HERC1: variants seen among roughly 807,000 people sequenced by gnomAD.
HERC1 encodes probable E3 ubiquitin-protein ligase HERC1.
A neutral mutation model predicts 554.3 loss-of-function variants in HERC1; 160 were observed. The ratio of observed to expected loss-of-function variants is 0.29; its 90% CI spans 0.25 to 0.33. The LOEUF (loss-of-function observed/expected upper bound fraction) is 0.33, where lower values mean the gene tolerates loss of function less well. Among genes scored for constraint, HERC1 ranks in the 10% least tolerant of loss-of-function variants. The pLI, the probability that HERC1 is intolerant of heterozygous loss-of-function variation, is 1.00. For synonymous variants in HERC1, 2,175 were observed against 2,131.7 expected (o/e 1.02, Z -0.56); for missense variants, 4,919 against 5,918.5 (o/e 0.83, Z 5.54).
chr15:63,817,843 T>C (rs1410951483), intron 1 of HERC1, among the ~76,000 whole-genome samples: 4 of 152,164 alleles, frequency 2.6e-5, no homozygotes, highest in African/African-American at 9.7e-5. Context: ...GAGCTCTTTA[T>C]ACTATTCCCT....
rs2076071176 is a variant in HERC1 at position 63,774,799 on chromosome 15, C to T, written c.825G>A (p.Ser275=). The T allele has an allele frequency of 7.4e-6, 12 of 1,613,900 alleles. No homozygotes were observed. Among genetic ancestry groups the T allele is most frequent in the African/African-American group, 5.3e-5 (4 of 74,996 alleles). ...LEWIEMALGA[S]AVVHTMEKGK... The stretch of plus-strand genomic sequence containing the variant: ...CTTTCTCCATGGTGTGTACAACTGC[C>T]GAAGCCCCCAAAGCCATTTCTATCC... Residue 275 remains serine, a synonymous_variant, in exon 2 of 78, where the codon TCG becomes TCA. Transcript: ENST00000443617.
chr15:63,669,449 G>A (rs2070792875), intron 40 of HERC1, 89 bp downstream of exon 40: 1 of 1,253,794 alleles, frequency 8.0e-7, no homozygotes, highest in Admixed American at 1.8e-5. Context: ...TTTACCTTCT[G>A]TGAAGACAAA....
In HERC1 at chr15:63,680,549, C is replaced by T. The variant is rs1179703452; in HGVS notation, c.6453G>A (p.Gly2151=). ...LDMEARTISF[G]KNGEEPKLAF... is the part of the protein sequence containing the mutation. ...TGGGTGTCGGTACCTCTCCATTTTTCCCAAAAGAAATGGTCCTGGCTTCCA... is the reference window on the plus strand; with the variant it reads ...TGGGTGTCGGTACCTCTCCATTTTTTCCAAAAGAAATGGTCCTGGCTTCCA... The change falls in exon 35 of 78, where the codon GGG becomes GGA. Residue 2151 remains glycine, a synonymous_variant. Coordinates refer to ENST00000443617, the MANE Select transcript of HERC1 (RefSeq NM_003922.4). The surrounding 1 kb of genome is among the most constrained non-coding windows in gnomAD (Gnocchi z 5.8). 1.9e-6 allele frequency: 3 copies of T among 1,612,238 alleles called. No individual in the cohort carries two copies. The African/African-American group carries it at 4.0e-5, about 22-fold the overall frequency.
chr15:63,640,427 C>A lies in HERC1; in HGVS notation c.11626G>T (p.Asp3876Tyr). 1 of 1,613,238 alleles carries A rather than the reference C, an allele frequency of 6.2e-7. No homozygotes were observed. Among genetic ancestry groups the A allele is most frequent in the South Asian group, 1.1e-5 (1 of 91,030 alleles). The change falls in exon 61 of 78, where the codon GAC (aspartate) becomes TAC (tyrosine). Residue 3876 changes from aspartate (D) to tyrosine (Y), a missense_variant. By Grantham distance (160) the Asp-to-Tyr change is radical. Around this residue, in one of 11 missense-constraint regions of HERC1, gnomAD observed 1,963 missense variants for 2,228.6 expected, o/e 0.88. Transcript: ENST00000443617. The part of the protein sequence containing the change: ...AYEKPHVVCG[D>Y]QLVHSPYMQC... ...ATATAGGGGCTATGAACAAGTTGGT[C>A]ACCACAAACCACATGAGGCTAAAAC... is the stretch of plus-strand genomic sequence containing the variant.
chr15:63,740,257 C>T (rs2074741770), intron 12 of HERC1, among the ~76,000 whole-genome samples: 2 of 152,202 alleles, frequency 1.3e-5, no homozygotes, highest in Admixed American at 1.3e-4. Flanking sequence ...GTATGTATCA[C>T]TACTTCACTC....
intron 1 of HERC1, among the ~76,000 whole-genome samples, chr15:63,811,809 C>CAAAA (rs374847616): frequency 0.014 from 1,054 of 77,118 alleles, 13 homozygotes; most frequent in East Asian, 0.046. Flanking sequence ...ACTCCGTCTC[C>CAAAA]AAAAAAAAAA....
chr15:63,776,866 T>A (rs2076134000), intron 1 of HERC1, among the ~76,000 whole-genome samples: 1 of 152,208 alleles, frequency 6.6e-6, no homozygotes, highest in South Asian at 2.1e-4. Context: ...TTTCACTGCA[T>A]GTAAATTTTG....
chr15:63,694,082 TA>T lies in HERC1; in HGVS notation c.5555del (p.Leu1852TyrfsTer53). ...TATGTAGTACACCAGTTTGGGACAA[TA>T]AATTCTTCAACTGACTACAGAGTAG... ...LDLLCSQLKN[L>X]LSQTGVLHMA... On this transcript the variant is annotated frameshift_variant, in exon 30 of 78. Coordinates refer to ENST00000443617, the MANE Select transcript of HERC1 (RefSeq NM_003922.4). LOFTEE classifies it high-confidence loss of function. This position sits in a 1 kb window ranked among gnomAD's most constrained non-coding sequence, Gnocchi z 4.3. 6.2e-7 allele frequency: 1 copy of T among 1,610,386 alleles called. No homozygotes were observed. Among genetic ancestry groups the T allele is most frequent in the Non-Finnish European group, 8.5e-7 (1 of 1,178,250 alleles).
intron 47 of HERC1, 63 bp downstream of exon 47, chr15:63,659,673 C>A: frequency 9.1e-7 from 1 of 1,102,512 alleles, no homozygotes; most frequent in Non-Finnish European, 1.4e-6. Context: ...TATTATTTAC[C>A]TATCTAAGAA....
intron 12 of HERC1, among the ~76,000 whole-genome samples, chr15:63,736,213 G>A (rs538174470): frequency 1.7e-4 from 26 of 152,254 alleles, no homozygotes; most frequent in South Asian, 1.7e-3. Flanking sequence ...ATTCCTAGAG[G>A]CTCATATACT....
Position 63,663,091 on chromosome 15 carries a change from T to C in HERC1, c.8794A>G (p.Ile2932Val). 1 of 1,614,006 alleles carries C rather than the reference T, an allele frequency of 6.2e-7. No homozygotes were observed. The highest frequency in any genetic ancestry group is 8.5e-7 in the Non-Finnish European group (1 of 1,179,880). The change falls in exon 44 of 78, where the codon ATT (isoleucine) becomes GTT (valine). Residue 2932 changes from isoleucine to valine, a missense_variant. Ile to Val is a conservative substitution (Grantham distance 29). Coordinates refer to ENST00000443617, the MANE Select transcript of HERC1 (RefSeq NM_003922.4). ...TCCATCGCCTCATCATCAAGATCAATTTCCAATTCCTCATCTAAATTAAAG... is the reference window on the plus strand; with the variant it reads ...TCCATCGCCTCATCATCAAGATCAACTTCCAATTCCTCATCTAAATTAAAG... ...YDFNLDEELEIDLDDEAMEAM... is the reference protein window; with the variant it reads ...YDFNLDEELEVDLDDEAMEAM...
chr15:63,672,505 C>A lies in HERC1; in HGVS notation c.8036G>T (p.Ser2679Ile). 1 of 1,592,262 alleles carries A rather than the reference C, an allele frequency of 6.3e-7. No individual in the cohort carries two copies. The highest frequency in any genetic ancestry group is 2.3e-5 in the East Asian group (1 of 44,106). Residue 2679 changes from serine to isoleucine, a missense_variant, in exon 39 of 78, where the codon AGT becomes ATT. Around this residue, in one of 11 missense-constraint regions of HERC1, gnomAD observed 1,963 missense variants for 2,228.6 expected, o/e 0.88. Coordinates refer to ENST00000443617, the MANE Select transcript of HERC1 (RefSeq NM_003922.4). ...AGGTCAACTTCTCTACCTGAGAAGA[C>A]TAAGAGGCATCACTCCCGGGGACTC... The part of the protein sequence containing the change: ...ASESPGVMPL[S>I]LLRQMFSSYP...
chr15:63,787,954 C>A, intron 1 of HERC1, among the ~76,000 whole-genome samples: 1 of 126,822 alleles, frequency 7.9e-6, no homozygotes, highest in Admixed American at 8.4e-5. Context: ...GGGTGAGACC[C>A]TGTCTCAAAA....
chr15:63,632,793 C>T lies in HERC1; in HGVS notation c.12712G>A (p.Gly4238Arg). Residue 4238 changes from glycine (G) to arginine (R), a missense_variant, in exon 68 of 78, where the codon GGA becomes AGA. By Grantham distance (125) the Gly-to-Arg change is moderately radical. Around this residue, in one of 11 missense-constraint regions of HERC1, gnomAD observed 410 missense variants for 467.0 expected, o/e 0.88. Transcript: ENST00000443617. ...CAAGCAACCTTTTTTATTCCAATTC[C>T]ACAAAGGACGTCAATTTTCTACAAA... is the stretch of plus-strand genomic sequence containing the variant. ...SSPQKIDVLC[G>R]IGIKKVACGT... 1 of 1,564,246 alleles carries T rather than the reference C, an allele frequency of 6.4e-7. No homozygotes were observed. Among genetic ancestry groups the T allele is most frequent in the Non-Finnish European group, 8.7e-7 (1 of 1,152,556 alleles).
At chr15:63,617,279 C>A (rs773902488) in intron 74 of HERC1, among the ~76,000 whole-genome samples, 1 of 152,106 alleles carries the variant, frequency 6.6e-6, no homozygotes, top group Non-Finnish European at 1.5e-5. Context: ...TTTGTCCTTG[C>A]AATAGTTTGC....
chr15:63,643,282 G>C (rs2069162209), intron 58 of HERC1, 122 bp downstream of exon 58: 2 of 928,038 alleles, frequency 2.2e-6, no homozygotes, highest in Non-Finnish European at 3.2e-6. Context: ...TCTGAAAGAA[G>C]TTTCCTCAGT....
chr15:63,818,801 T>C (rs2077583865), intron 1 of HERC1, among the ~76,000 whole-genome samples: 1 of 152,204 alleles, frequency 6.6e-6, no homozygotes, highest in African/African-American at 2.4e-5. Flanking sequence ...TACCAGACTT[T>C]CTTTTTCAAC....
chr15:63,654,724 C>G (rs2152904612), intron 50 of HERC1, among the ~76,000 whole-genome samples: 1 of 151,520 alleles, frequency 6.6e-6, no homozygotes, highest in African/African-American at 2.4e-5. Context: ...TTAGCCACAC[C>G]ATGGTATGGT....
At chr15:63,695,516 A>C (rs1459072624) in intron 27 of HERC1, among the ~76,000 whole-genome samples, 1 of 150,352 alleles carries the variant, frequency 6.7e-6, no homozygotes, top group African/African-American at 2.5e-5. Flanking sequence ...CCTCCTGAGT[A>C]CCTGGGATTA....
Sources: gnomAD v4.1 joint callset for allele counts (sites outside exome capture counted in the v4.1 genomes callset) on GRCh38, gnomAD v4.1.1 for gene constraint, gnomAD v4.1.1 regional missense constraint, Gnocchi (gnomAD v3.1) non-coding constraint, MANE v1.5 for transcripts, NCBI Gene and HGNC (gene_info 2026-07-23, HGNC 2026-07-21) for gene names.